TNPO1: variants seen among roughly 807,000 people sequenced by gnomAD.
The protein encoded by TNPO1 is transportin-1.
In TNPO1, 8 loss-of-function variants were observed where a neutral mutation model predicts 119.5. The ratio of observed to expected loss-of-function variants is 0.07; its 90% CI spans 0.04 to 0.12. The LOEUF (loss-of-function observed/expected upper bound fraction) is 0.12, where lower values mean the gene tolerates loss of function less well. TNPO1 is among the 10% of genes least tolerant of loss of function. TNPO1 has a pLI of 1.00. For missense variants in TNPO1, 576 were observed against 1,089.8 expected, an observed-to-expected ratio of 0.53 and a Z score of 6.64; for synonymous variants, 362 against 363.0, an observed-to-expected ratio of 1.00 and a Z score of 0.03.
intron 18 of TNPO1, among the ~76,000 whole-genome samples, chr5:72,895,757 A>T (rs1749384845): frequency 6.6e-6 from 1 of 152,240 alleles, no homozygotes; most frequent in African/African-American, 2.4e-5. Flanking sequence ...CAGAGGCAAG[A>T]TAAATACTTG....
At chr5:72,893,319 G>GC in intron 16 of TNPO1, 58 bp from the exon 17 acceptor site, 1 of 1,605,224 alleles carries the variant, frequency 6.2e-7, no homozygotes. Context: ...AATGTATACA[G>GC]ACTTTTTAAG....
intron 8 of TNPO1, among the ~76,000 whole-genome samples, chr5:72,876,628 G>T (rs1310830198): frequency 1.3e-5 from 2 of 151,964 alleles, no homozygotes; most frequent in Non-Finnish European, 2.9e-5. Context: ...TAATTTTTAT[G>T]TTTCTAAGAA....
chr5:72,878,857 T>C (rs1580444447), intron 9 of TNPO1: 3 of 464,746 alleles, frequency 6.5e-6, no homozygotes, highest in East Asian at 1.2e-4. Context: ...ATTTATTGAC[T>C]TTTCGTTAGT....
chr5:72,816,713 G>C lies in TNPO1; in HGVS notation c.-25G>C, dbSNP rs184025964. 16,389 of 1,567,780 alleles carry C rather than the reference G, an allele frequency of 0.01. 76 individuals carry two copies. The highest frequency in any genetic ancestry group is 0.012 in the Non-Finnish European group (14,082 of 1,159,144). ...AGGAGGCAGTGCCGCTTCGGCCGAAGGCCCGAGCGCCCGAGGCGTCTGGGA... is the reference window on the plus strand; with the variant it reads ...AGGAGGCAGTGCCGCTTCGGCCGAACGCCCGAGCGCCCGAGGCGTCTGGGA... On this transcript the variant is annotated 5_prime_UTR_variant, in exon 1 of 25. Coordinates refer to ENST00000337273, the MANE Select transcript of TNPO1 (RefSeq NM_002270.4).
rs779733056 is a variant in TNPO1 at position 72,900,127 on chromosome 5, T to C, written c.2414+46T>C. ...TTTTTTAATTCATTTTTCTTCACTC[T>C]TTCTTTCTCTATCTCACTTTTAGAT... On this transcript the variant is annotated intron_variant, in intron 21 of 24. Coordinates refer to ENST00000337273, the MANE Select transcript of TNPO1 (RefSeq NM_002270.4). The C allele has an allele frequency of 3.4e-6, 5 of 1,486,774 alleles. No individual in the cohort carries two copies. In the South Asian group the frequency reaches 4.7e-5, roughly 14 times the overall value. 92.1% of individuals were successfully genotyped at this position (1,486,774 alleles called of 1,614,324 possible). A position where few individuals can be genotyped will look rare whatever the true frequency, so the allele number is the denominator to read the frequency against.
intron 14 of TNPO1, among the ~76,000 whole-genome samples, chr5:72,891,134 T>C (rs1749018825): frequency 6.6e-6 from 1 of 151,186 alleles, no homozygotes; most frequent in Middle Eastern, 3.4e-3. Context: ...TGAGCCACCA[T>C]GCCCAGCCCC....
At chr5:72,873,416 G>T (rs183368842) in intron 7 of TNPO1, among the ~76,000 whole-genome samples, 1 of 152,116 alleles carries the variant, frequency 6.6e-6, no homozygotes, top group African/African-American at 2.4e-5. Context: ...TTATAAGGAA[G>T]AGTAGGGGGG....
chr5:72,854,673 C>A (rs2072766511), intron 3 of TNPO1, among the ~76,000 whole-genome samples: 1 of 152,150 alleles, frequency 6.6e-6, no homozygotes, highest in African/African-American at 2.4e-5. Flanking sequence ...TTTAATAAAT[C>A]ATAAGCATTT....
intron 18 of TNPO1, among the ~76,000 whole-genome samples, chr5:72,894,625 T>G (rs1231447264): frequency 6.6e-6 from 1 of 152,156 alleles, no homozygotes; most frequent in African/African-American, 2.4e-5. Flanking sequence ...GAGCTGATAC[T>G]GTACCACTAC....
In TNPO1 at chr5:72,877,231, A is replaced by G; in HGVS notation, c.805A>G (p.Met269Val). 6.3e-7 allele frequency: 1 copy of G among 1,592,814 alleles called. No homozygotes were observed. Among genetic ancestry groups the G allele is most frequent in the Non-Finnish European group, 8.6e-7 (1 of 1,162,370 alleles). Residue 269 changes from methionine to valine, a missense_variant, in exon 9 of 25, where the codon ATG becomes GTG. Physicochemically the swap from Met to Val is conservative, Grantham distance 21. This residue lies in a region of TNPO1 where 310 missense variants were observed against 583.0 expected (regional missense o/e 0.53). Coordinates refer to ENST00000337273, the MANE Select transcript of TNPO1 (RefSeq NM_002270.4). ...LPHMHNIVEY[M>V]LQRTQDQDEN... ...ATTAAGGATATTGTGTTTCCAGTAC[A>G]TGCTACAGAGGACTCAAGATCAAGA...
At chr5:72,830,160 A>C (rs1744393861) in intron 1 of TNPO1, among the ~76,000 whole-genome samples, 1 of 152,168 alleles carries the variant, frequency 6.6e-6, no homozygotes, top group Non-Finnish European at 1.5e-5. Context: ...TAAAAAGGAT[A>C]AGGTGCTAAT....
At chr5:72,851,621 A>C (rs1745571712) in intron 3 of TNPO1, among the ~76,000 whole-genome samples, 1 of 152,148 alleles carries the variant, frequency 6.6e-6, no homozygotes, top group Non-Finnish European at 1.5e-5. Flanking sequence ...CCTCCCTAGT[A>C]GCCGGGATTA....
intron 9 of TNPO1, among the ~76,000 whole-genome samples, chr5:72,881,267 C>T (rs1050723025): frequency 6.6e-6 from 1 of 152,072 alleles, no homozygotes; most frequent in African/African-American, 2.4e-5. Context: ...TGTGCCACCA[C>T]GTCCAGCTAA....
At chr5:72,906,301 T>C (rs1561365929) in intron 24 of TNPO1, among the ~76,000 whole-genome samples, 2 of 125,932 alleles carry the variant, frequency 1.6e-5, no homozygotes, top group Non-Finnish European at 3.3e-5. Flanking sequence ...TTTTTTTTTT[T>C]TTTTTTTTTT....
At chr5:72,901,139 T>C (rs1464254593) in intron 22 of TNPO1, 66 bp downstream of exon 22, 3 of 946,298 alleles carry the variant, frequency 3.2e-6, no homozygotes, top group Non-Finnish European at 4.6e-6. Flanking sequence ...AGAAACATTC[T>C]AATACTTTAA....
At chr5:72,820,406 G>A (rs776068799) in intron 1 of TNPO1, among the ~76,000 whole-genome samples, 29 of 151,976 alleles carry the variant, frequency 1.9e-4, no homozygotes, top group Non-Finnish European at 3.5e-4. Context: ...AATAAATTGA[G>A]ACTACACAGT....
chr5:72,893,283 G>A, intron 16 of TNPO1, 37 bp downstream of exon 16: 3 of 1,606,478 alleles, frequency 1.9e-6, no homozygotes, highest in Admixed American at 1.7e-5. Flanking sequence ...TCTTGACATG[G>A]TGGACATTTT....
At chr5:72,825,221 C>G (rs763825722) in intron 1 of TNPO1, among the ~76,000 whole-genome samples, 1 of 152,176 alleles carries the variant, frequency 6.6e-6, no homozygotes, top group Admixed American at 6.5e-5. Flanking sequence ...AGTATTTTCT[C>G]AATACAGTAG....
intron 1 of TNPO1, among the ~76,000 whole-genome samples, chr5:72,841,744 C>G (rs1484930347): frequency 6.6e-6 from 1 of 151,544 alleles, no homozygotes; most frequent in African/African-American, 2.4e-5. Context: ...TTCCTTCTTT[C>G]CCTTCATACC....
Sources: allele counts gnomAD v4.1 joint callset (sites outside exome capture counted in the v4.1 genomes callset), GRCh38; gene constraint gnomAD v4.1.1; regional missense constraint gnomAD v4.1.1; transcripts MANE v1.5; gene names NCBI Gene and HGNC (gene_info 2026-07-23, HGNC 2026-07-21).